The following CACNA1A variants were observed in gnomAD, a reference collection of about 807,000 sequenced individuals.
CACNA1A encodes calcium voltage-gated channel subunit alpha1 A.
Under a neutral mutation model 262.4 loss-of-function variants are expected in CACNA1A, and 57 were observed. That is an observed-to-expected ratio of 0.22 (90% confidence interval 0.18 to 0.27). The LOEUF (loss-of-function observed/expected upper bound fraction) is 0.27, where lower values mean the gene tolerates loss of function less well. Among genes scored for constraint, CACNA1A ranks in the 10% least tolerant of loss-of-function variants. The pLI, the probability that CACNA1A is intolerant of heterozygous loss-of-function variation, is 1.00. For synonymous variants in CACNA1A, 1,431 were observed against 1,419.3 expected (o/e 1.01, Z -0.18); for missense variants, 2,526 against 3,562.8 (o/e 0.71, Z 7.41).
intron 28 of CACNA1A, 147 bp downstream of exon 28, chr19:13,257,203 G>T: frequency 1.6e-6 from 1 of 625,258 alleles, no homozygotes; most frequent in Non-Finnish European, 2.8e-6. Flanking sequence ...TCCATGAAGG[G>T]CTGCCCTGAA....
intron 5 of CACNA1A, chr19:13,363,018 C>T (rs2059137881): frequency 6.6e-6 from 1 of 152,060 alleles, no homozygotes; most frequent in African/African-American, 2.4e-5. Flanking sequence ...TAAAATTAAC[C>T]CACTGCCTGG....
intron 3 of CACNA1A, among the ~76,000 whole-genome samples, chr19:13,393,863 T>G (rs2059764561): frequency 7.2e-6 from 1 of 137,940 alleles, no homozygotes; most frequent in Admixed American, 7.9e-5. Context: ...TTGCCCACGC[T>G]GGGGAGCGAT....
At chr19:13,472,338 ATT>A (rs2145041067) in intron 1 of CACNA1A, among the ~76,000 whole-genome samples, 2 of 151,926 alleles carry the variant, frequency 1.3e-5, no homozygotes, top group East Asian at 3.9e-4. Context: ...TATATGTAAT[ATT>A]ATATGTTTGT....
In CACNA1A at chr19:13,376,656, CATAAT is replaced by C. The variant is rs767823029; in HGVS notation, c.540-4882_540-4878del. ...CATATGTTATATATGATACACTACA[CATAAT>C]ATATGTTATATATGATACACTACAC... is the stretch of plus-strand genomic sequence containing the variant. On this transcript the variant is annotated intron_variant, in intron 3 of 46. Transcript: ENST00000360228. 1.2e-3 allele frequency among the ~76,000 whole-genome samples: 170 copies of C among 146,772 alleles called. 1 individual carries two copies. The highest frequency in any genetic ancestry group is 6.3e-4 in the South Asian group (3 of 4,758).
intron 3 of CACNA1A, among the ~76,000 whole-genome samples, chr19:13,393,648 TTC>T (rs999507148): frequency 1.6e-4 from 24 of 149,380 alleles, no homozygotes; most frequent in Non-Finnish European, 2.5e-4. Flanking sequence ...TTCTCTTTCT[TTC>T]TCTGTCTTCC....
intron 24 of CACNA1A, chr19:13,274,799 G>C (rs2057107125): frequency 1.3e-5 from 2 of 152,148 alleles, no homozygotes; most frequent in South Asian, 4.1e-4. Flanking sequence ...TGGCTGCCCA[G>C]AACTTGGGGG....
At chr19:13,298,350 T>TG (rs1168172945) in intron 19 of CACNA1A, among the ~76,000 whole-genome samples, 194 bp downstream of exon 19, 1 of 138,616 alleles carries the variant, frequency 7.2e-6, no homozygotes, top group African/African-American at 2.7e-5. Context: ...AGGCTGGTCT[T>TG]GAACTCCTGA....
intron 19 of CACNA1A, among the ~76,000 whole-genome samples, chr19:13,296,994 A>C (rs2057678776): frequency 6.7e-6 from 1 of 149,360 alleles, no homozygotes. Context: ...CCTGGTATCA[A>C]GTGATCCTCC....
chr19:13,422,976 C>T (rs1287362598), intron 3 of CACNA1A, among the ~76,000 whole-genome samples: 4 of 152,188 alleles, frequency 2.6e-5, no homozygotes, highest in Non-Finnish European at 5.9e-5. Context: ...CTGTAATAAA[C>T]CATAACTGAA....
rs763558455 is a variant in CACNA1A at position 13,285,131 on chromosome 19, C to T, written c.3629G>A (p.Gly1210Glu). 22 of 1,613,786 alleles carry T rather than the reference C, an allele frequency of 1.4e-5. No individual in the cohort carries two copies. The highest frequency in any genetic ancestry group is 2.7e-5 in the African/African-American group (2 of 74,884). ...AGGCATTGGCTTAGGGCCGTCTTCC[C>T]CACGGTCGTCTTCCTCCTCCTCCTT... is the stretch of plus-strand genomic sequence containing the variant. ...EKKEEEEDDR[G>E]EDGPKPMPPY... The change falls in exon 21 of 47, where the codon GGG (glycine) becomes GAG (glutamate). Residue 1210 changes from glycine (G) to glutamate (E), a missense_variant. This residue lies in a region of CACNA1A where 765 missense variants were observed against 748.6 expected (regional missense o/e 1.02). Transcript: ENST00000360228.
At chr19:13,270,954 G>A (rs1054733175) in intron 24 of CACNA1A, among the ~76,000 whole-genome samples, 3 of 152,182 alleles carry the variant, frequency 2.0e-5, no homozygotes, top group East Asian at 3.9e-4. Context: ...GGGTTGACAG[G>A]ATGGCCTGAA....
intron 23 of CACNA1A, among the ~76,000 whole-genome samples, chr19:13,276,503 C>A (rs2057151393): frequency 6.6e-6 from 1 of 152,136 alleles, no homozygotes; most frequent in Non-Finnish European, 1.5e-5. Context: ...TCTCTGTGAT[C>A]CCCGGCACAA....
At chr19:13,403,150 T>C (rs1447853559) in intron 3 of CACNA1A, among the ~76,000 whole-genome samples, 2 of 151,778 alleles carry the variant, frequency 1.3e-5, no homozygotes, top group Non-Finnish European at 2.9e-5. Context: ...CCATCGTTAA[T>C]GTTTAGGGTT....
rs767676377 is a variant in CACNA1A, at chr19:13,283,279, T to C, written c.3810A>G (p.Ala1270=). The C allele has an allele frequency of 6.2e-7, 1 of 1,613,698 alleles. No individual in the cohort carries two copies. Among genetic ancestry groups the C allele is most frequent in the Non-Finnish European group, 8.5e-7 (1 of 1,179,760 alleles). ...LAAEDPVQPN[A]PRNNVLRYFD... The stretch of plus-strand genomic sequence containing the variant: ...CTGTGGGACTCACGTTGTTCCGAGG[T>C]GCGTTGGGCTGCACAGGGTCCTCGG... The change falls in exon 22 of 47, where the codon GCA becomes GCG. Residue 1270 remains alanine, a synonymous_variant. Coordinates refer to ENST00000360228, the MANE Select transcript of CACNA1A (RefSeq NM_001127222.2).
intron 3 of CACNA1A, among the ~76,000 whole-genome samples, chr19:13,389,398 C>G (rs1315825080): frequency 4.6e-5 from 7 of 151,994 alleles, no homozygotes; most frequent in Admixed American, 4.6e-4. Context: ...CCCTAACAGA[C>G]CTGGTAAGAA....
intron 3 of CACNA1A, among the ~76,000 whole-genome samples, chr19:13,419,893 C>G (rs2060287905): frequency 6.6e-6 from 1 of 151,814 alleles, no homozygotes; most frequent in Non-Finnish European, 1.5e-5. Flanking sequence ...CGAGACCAGC[C>G]TGGCCAACAT....
rs2054613758 is a variant in CACNA1A, at chr19:13,207,593, T to G, written c.7241A>C (p.Asp2414Ala). 1 of 1,481,722 alleles carries G rather than the reference T, an allele frequency of 6.7e-7. No homozygotes were observed. Among genetic ancestry groups the G allele is most frequent in the African/African-American group, 1.5e-5 (1 of 67,780 alleles). The allele number at this position is 1,481,722 out of a possible 1,614,324, so 91.8% of individuals were successfully genotyped here. The change falls in exon 47 of 47, where the codon GAC (aspartate) becomes GCC (alanine). Residue 2414 changes from aspartate (D) to alanine (A), a missense_variant. Coordinates refer to ENST00000360228, the MANE Select transcript of CACNA1A (RefSeq NM_001127222.2). This position sits in a 1 kb window ranked among gnomAD's most constrained non-coding sequence, Gnocchi z 5.7. ...PRHHGYYRGS[D>A]YDEADGPGSG... ...GCCCGGGCCATCGGCCTCGTCGTAG[T>G]CGGAGCCCCGGTAGTAGCCATGGTG...
chr19:13,317,320 A>G lies in CACNA1A; in HGVS notation c.1347T>C (p.Gly449=). The change falls in exon 11 of 47, where the codon GGT becomes GGC. Residue 449 remains glycine, a splice_region_variant and synonymous_variant. Transcript: ENST00000360228. ...TAATGCTGGCTCGGGCGAAGGGAGAACCTGCCAGGGAAAAGATGGAGAATG... is the reference window on the plus strand; with the variant it reads ...TAATGCTGGCTCGGGCGAAGGGAGAGCCTGCCAGGGAAAAGATGGAGAATG... ...EDQLADIASV[G]SPFARASIKS... 1.3e-6 allele frequency: 2 copies of G among 1,596,974 alleles called. No individual in the cohort carries two copies.
chr19:13,208,723 G>C (rs889683647), intron 46 of CACNA1A, 33 bp downstream of exon 46: 43 of 1,543,344 alleles, frequency 2.8e-5, no homozygotes, highest in Non-Finnish European at 3.7e-5. Flanking sequence ...TCCCGGCCGA[G>C]CCCAGCCTGG....
Sources: allele counts gnomAD v4.1 joint callset (sites outside exome capture counted in the v4.1 genomes callset), GRCh38; gene constraint gnomAD v4.1.1; regional missense constraint gnomAD v4.1.1; non-coding constraint Gnocchi (gnomAD v3.1); transcripts MANE v1.5; gene names NCBI Gene and HGNC (gene_info 2026-07-23, HGNC 2026-07-21).